Variants in WWTR1 observed in about 807,000 individuals in gnomAD.
WWTR1 encodes the protein WW domain containing transcription regulator 1.
Under a neutral mutation model 40.1 loss-of-function variants are expected in WWTR1, and 13 were observed. The ratio of observed to expected loss-of-function variants is 0.32; its 90% confidence interval spans 0.21 to 0.52. WWTR1 has a LOEUF of 0.52. Ranked by LOEUF, WWTR1 falls within the 20% of genes least tolerant of loss-of-function variation. The probability of loss-of-function intolerance (pLI) is 0.97; values close to 1 mark genes in which losing one functional copy is unlikely to be tolerated. For missense variants in WWTR1, 436 were observed against 523.1 expected (o/e 0.83, Z 1.63); for synonymous variants, 230 against 210.1 (o/e 1.09, Z -0.82).
intron 2 of WWTR1, among the ~76,000 whole-genome samples, chr3:149,622,502 G>GAAGGAAGGACGGAAGGAAGA (rs1553800283): frequency 4.3e-5 from 2 of 46,328 alleles, no homozygotes; most frequent in Admixed American, 6.0e-4. Flanking sequence ...AGGAAGGAAG[G>GAAGGAAGGACGGAAGGAAGA]AAGAAAGAAA....
rs547426410 is a variant in WWTR1 at position 149,592,593 on chromosome 3, A to G, written c.432-19593T>C. 2.6e-5 allele frequency among the ~76,000 whole-genome samples: 4 copies of G among 152,362 alleles called. No homozygotes were observed. In the East Asian group the frequency reaches 7.7e-4, roughly 29 times the overall value. On this transcript the variant is annotated intron_variant, in intron 2 of 6. Transcript: ENST00000360632. The stretch of plus-strand genomic sequence containing the variant: ...TCGGCATATATCAGAATATATATAT[A>G]CAGGCATATATGTATGTGTATAAAT...
At chr3:149,596,087 AT>A (rs1213303585) in intron 2 of WWTR1, among the ~76,000 whole-genome samples, 7 of 152,234 alleles carry the variant, frequency 4.6e-5, no homozygotes, top group Admixed American at 3.9e-4. Flanking sequence ...ATAAACTGGT[AT>A]TGTCTTGGGA....
chr3:149,602,367 G>A (rs1239652890), intron 2 of WWTR1, among the ~76,000 whole-genome samples: 1 of 152,174 alleles, frequency 6.6e-6, no homozygotes, highest in East Asian at 1.9e-4. Flanking sequence ...AATAAGCAAA[G>A]CTATGTGAAC....
At chr3:149,591,732 A>G (rs1738733024) in intron 2 of WWTR1, among the ~76,000 whole-genome samples, 1 of 152,234 alleles carries the variant, frequency 6.6e-6, no homozygotes, top group African/African-American at 2.4e-5. Flanking sequence ...ATATTAGAAG[A>G]AACATTTCAT....
At chr3:149,686,769 G>A (rs1023322924) in intron 1 of WWTR1, among the ~76,000 whole-genome samples, 10 of 152,142 alleles carry the variant, frequency 6.6e-5, no homozygotes, top group African/African-American at 1.7e-4. Flanking sequence ...AAAAGAGGCT[G>A]CCATGCATAG....
chr3:149,649,974 C>T (rs191560901), intron 2 of WWTR1: 1 of 151,308 alleles, frequency 6.6e-6, no homozygotes, highest in Admixed American at 6.6e-5. Flanking sequence ...GTTGCCCAGG[C>T]TTGTCTCAAA....
chr3:149,701,594 A>G (rs1715175648), intron 1 of WWTR1: 1 of 178,470 alleles, frequency 5.6e-6, no homozygotes, highest in South Asian at 2.0e-4. Flanking sequence ...ACATGATAAA[A>G]TATTTTTTTC....
intron 3 of WWTR1, among the ~76,000 whole-genome samples, chr3:149,551,179 C>T (rs151312713): frequency 6.9e-6 from 1 of 144,056 alleles, no homozygotes; most frequent in African/African-American, 2.7e-5. Flanking sequence ...TGCCTTTAAT[C>T]CCAGCTACTC....
chr3:149,534,160 ACT>A (rs552095395), intron 4 of WWTR1, among the ~76,000 whole-genome samples: 258 of 152,010 alleles, frequency 1.7e-3, no homozygotes, highest in African/African-American at 5.9e-3. Flanking sequence ...ACAGAATGAG[ACT>A]CTGTCTAAAA....
chr3:149,721,690 A>C (rs543337444), intron 4 of WWTR1, among the ~76,000 whole-genome samples: 17 of 152,188 alleles, frequency 1.1e-4, no homozygotes, highest in African/African-American at 3.9e-4. Flanking sequence ...TAGTTCTTTA[A>C]ATGTTTGGTA....
chr3:149,659,279 T>C (rs1032781616), upstream of WWTR1: 1 of 151,038 alleles, frequency 6.6e-6, no homozygotes, highest in Non-Finnish European at 1.5e-5. Context: ...ACGTAAGTGT[T>C]TGTTAAATAA....
In WWTR1 at chr3:149,639,221, T is replaced by C. The variant is rs182944502; in HGVS notation, c.431+17655A>G. Among the ~76,000 whole-genome samples the C allele has an allele frequency of 1.6e-4, 25 of 152,258 alleles. No homozygotes were observed. The East Asian group carries it at 4.8e-3, about 29-fold the overall frequency. On this transcript the variant is annotated intron_variant, in intron 2 of 6. Coordinates refer to ENST00000360632, the MANE Select transcript of WWTR1 (RefSeq NM_015472.6). Reference sequence around the variant, plus strand: ...AAATTATCTTGGAAAAAAATATATATATACAGGGTCTCTTTCTGTTGCCCA... The same window carrying C: ...AAATTATCTTGGAAAAAAATATATACATACAGGGTCTCTTTCTGTTGCCCA...
intron 2 of WWTR1, among the ~76,000 whole-genome samples, chr3:149,623,825 C>A (rs1740425420): frequency 6.6e-6 from 1 of 152,190 alleles, no homozygotes; most frequent in South Asian, 2.1e-4. Flanking sequence ...ACCTCACAGT[C>A]CTTTCTGAAG....
At chr3:149,660,609 G>A (rs986872460), upstream of WWTR1, among the ~76,000 whole-genome samples, 1 of 152,192 alleles carries the variant, frequency 6.6e-6, no homozygotes, top group Non-Finnish European at 1.5e-5. Flanking sequence ...TATGTATCAG[G>A]TACTGCCCGT....
At chr3:149,612,501 C>T (rs1046268511) in intron 2 of WWTR1, among the ~76,000 whole-genome samples, 1 of 152,114 alleles carries the variant, frequency 6.6e-6, no homozygotes, top group African/African-American at 2.4e-5. Context: ...GTCCTTTGTA[C>T]TTGTAAGTAA....
upstream of WWTR1, among the ~76,000 whole-genome samples, chr3:149,705,220 T>C (rs1444583477): frequency 1.3e-5 from 2 of 151,914 alleles, no homozygotes; most frequent in Non-Finnish European, 2.9e-5. Flanking sequence ...ACAGAAAAAT[T>C]GATGGGGAGG....
chr3:149,535,810 C>T (rs9289795), intron 4 of WWTR1, among the ~76,000 whole-genome samples: 94,057 of 151,702 alleles, frequency 0.62, 30,981 homozygotes, highest in South Asian at 0.74. Context: ...GCCAGGAGTT[C>T]GAGACCAGCC....
At chr3:149,539,471 G>A (rs1735987738) in intron 4 of WWTR1, among the ~76,000 whole-genome samples, 1 of 152,112 alleles carries the variant, frequency 6.6e-6, no homozygotes, top group Non-Finnish European at 1.5e-5. Context: ...CAGGGCCTGG[G>A]CCCCAAGAAG....
intron 3 of WWTR1, among the ~76,000 whole-genome samples, chr3:149,571,090 G>C (rs1472442671): frequency 6.6e-6 from 1 of 152,038 alleles, no homozygotes; most frequent in African/African-American, 2.4e-5. Context: ...GTTATGATAT[G>C]CTAACCTTAG....
Sources: gnomAD v4.1 joint callset for allele counts (sites outside exome capture counted in the v4.1 genomes callset) on GRCh38, gnomAD v4.1.1 for gene constraint, MANE v1.5 for transcripts, NCBI Gene and HGNC (gene_info 2026-07-23, HGNC 2026-07-21) for gene names.